Variants in RRN3 observed in about 807,000 individuals in gnomAD.
The protein encoded by RRN3 is RNA polymerase I transcription factor RRN3.
RRN3 carries 38 observed loss-of-function variants against 82.3 expected under a neutral mutation model. The ratio of observed to expected loss-of-function variants is 0.46; its 90% CI spans 0.36 to 0.61. The LOEUF (loss-of-function observed/expected upper bound fraction) is 0.61. RRN3 is among the 20% of genes least tolerant of loss of function. RRN3 has a pLI of 0.00. For missense variants in RRN3, 726 were observed against 793.1 expected (o/e 0.92, Z 1.02); for synonymous variants, 284 against 284.3 (o/e 1.00, Z 0.01).
At position 15,094,222 on chromosome 16, in the gene RRN3, C is replaced by T. The variant is rs754905116; in HGVS notation, c.12G>A (p.Pro4=). MAA[P]LLHTRLPGDA... is the part of the protein sequence containing the mutation. ...CTCCCGGCAAACGCGTGTGAAGCAG[C>T]GGTGCCGCCATTGGGCCGAACTAAC... The change falls in exon 1 of 18, where the codon CCG becomes CCA. Residue 4 remains proline (P), a synonymous_variant. Coordinates refer to ENST00000198767, the MANE Select transcript of RRN3 (RefSeq NM_018427.5). 1.0e-5 allele frequency: 16 copies of T among 1,591,462 alleles called. No individual in the cohort carries two copies. The highest frequency in any genetic ancestry group is 9.1e-5 in the South Asian group (8 of 87,640).
At chr16:15,061,992 T>A in intron 17 of RRN3, 87 bp from the exon 18 acceptor site, 1 of 1,286,720 alleles carries the variant, frequency 7.8e-7, no homozygotes, top group Non-Finnish European at 1.1e-6. Context: ...GGTGTTAACG[T>A]TTGTAAAGAT....
chr16:15,093,914 T>C (rs1465649135), intron 1 of RRN3: 8 of 539,542 alleles, frequency 1.5e-5, no homozygotes, highest in Non-Finnish European at 2.6e-5. Context: ...AGAGACACAG[T>C]CGGGAAAGGG....
At chr16:15,078,152 C>T (rs1466695592) in intron 9 of RRN3, among the ~76,000 whole-genome samples, 1 of 152,202 alleles carries the variant, frequency 6.6e-6, no homozygotes, top group Non-Finnish European at 1.5e-5. Context: ...CAGAGAAAGA[C>T]TATAAAGAGT....
At position 15,070,325 on chromosome 16, in the gene RRN3, C is replaced by G. The variant is rs547182358; in HGVS notation, c.1260-71G>C. ...ACCAGAATAACATAAAAACACACAACTGCCTTTCATTACAAACCATGCTAA... is the reference window on the plus strand; with the variant it reads ...ACCAGAATAACATAAAAACACACAAGTGCCTTTCATTACAAACCATGCTAA... On this transcript the variant is annotated intron_variant, in intron 13 of 17. Coordinates refer to ENST00000198767, the MANE Select transcript of RRN3 (RefSeq NM_018427.5). 12 of 1,548,010 alleles carry G rather than the reference C, an allele frequency of 7.8e-6. 1 individual carries two copies. In the Admixed American group the frequency reaches 2.0e-4, roughly 26 times the overall value.
intron 16 of RRN3, among the ~76,000 whole-genome samples, chr16:15,063,704 C>CAAAAAAAAAAAAAAAAA (rs10664930): frequency 1.1e-5 from 1 of 89,118 alleles, no homozygotes; most frequent in African/African-American, 5.1e-5. Context: ...GACTCTGTCT[C>CAAAAAAAAAAAAAAAAA]AAAAAAAAAA....
chr16:15,084,263 C>G (rs2045827002), intron 7 of RRN3, among the ~76,000 whole-genome samples: 1 of 151,832 alleles, frequency 6.6e-6, no homozygotes, highest in African/African-American at 2.4e-5. Flanking sequence ...AGAGGTCCAC[C>G]CCTCCAAAAG....
At chr16:15,063,139 G>A (rs2044784534) in intron 17 of RRN3, 57 bp downstream of exon 17, 5 of 1,292,702 alleles carry the variant, frequency 3.9e-6, no homozygotes, top group Non-Finnish European at 5.6e-6. Flanking sequence ...CTATCTCACT[G>A]TGACCTGGAA....
chr16:15,074,652 G>A, intron 11 of RRN3, 71 bp downstream of exon 11: 1 of 1,136,160 alleles, frequency 8.8e-7, no homozygotes, highest in Non-Finnish European at 1.2e-6. Flanking sequence ...TAGAGATAAT[G>A]GATGGAAAAT....
chr16:15,072,960 C>A lies in RRN3; in HGVS notation c.1118G>T (p.Ser373Ile). 1.2e-6 allele frequency: 2 copies of A among 1,613,438 alleles called. No individual in the cohort carries two copies. Among genetic ancestry groups the A allele is most frequent in the Non-Finnish European group, 1.7e-6 (2 of 1,179,870 alleles). ...HVQFFMFYLC[S>I]FKLGFAEAFL... ...CACATTCTTACTCACCAATTTGAAA[C>A]TACAGAGGTAAAACATGAAAAACTG... is the stretch of plus-strand genomic sequence containing the variant. The change falls in exon 12 of 18, where the codon AGT becomes ATT. Residue 373 changes from serine to isoleucine, a missense_variant. Around this residue, in one of 4 missense-constraint regions of RRN3, gnomAD observed 344 missense variants for 394.5 expected, o/e 0.87. Transcript: ENST00000198767.
rs138935269 is a variant in RRN3 at position 15,073,001 on chromosome 16, A to G, written c.1077T>C (p.His359=). ...NIFDKLLLPT[H]ASCHVQFFMF... is the part of the protein sequence containing the mutation. ...TGAAAAACTGTACATGGCAGGAGGC[A>G]TGGGTGGGCAACAGGAGTTTGTCAA... Residue 359 remains histidine, a synonymous_variant, in exon 12 of 18, where the codon CAT becomes CAC. Coordinates refer to ENST00000198767, the MANE Select transcript of RRN3 (RefSeq NM_018427.5). The G allele has an allele frequency of 3.1e-5, 50 of 1,613,652 alleles. No homozygotes were observed. Among genetic ancestry groups the G allele is most frequent in the Non-Finnish European group, 4.2e-5 (49 of 1,179,892 alleles).
intron 9 of RRN3, 132 bp from the exon 10 acceptor site, chr16:15,076,782 C>G (rs1335646573): frequency 7.5e-5 from 49 of 649,878 alleles, no homozygotes; most frequent in Admixed American, 4.4e-4. Flanking sequence ...CACCCCAACA[C>G]AATACACAAT....
In RRN3 at chr16:15,094,228, C is replaced by G; in HGVS notation, c.6G>C (p.Ala2=). Residue 2 remains alanine (A), a synonymous_variant, in exon 1 of 18, where the codon GCG becomes GCC. Coordinates refer to ENST00000198767, the MANE Select transcript of RRN3 (RefSeq NM_018427.5). ...GCAAACGCGTGTGAAGCAGCGGTGC[C>G]GCCATTGGGCCGAACTAACGCGACC... M[A]APLLHTRLPG... is the part of the protein sequence containing the mutation. 1 of 1,587,190 alleles carries G rather than the reference C, an allele frequency of 6.3e-7. No homozygotes were observed. Among genetic ancestry groups the G allele is most frequent in the Non-Finnish European group, 8.6e-7 (1 of 1,167,286 alleles).
At chr16:15,075,819 G>C (rs1168057241) in intron 10 of RRN3, among the ~76,000 whole-genome samples, 6 of 152,138 alleles carry the variant, frequency 3.9e-5, no homozygotes, top group Non-Finnish European at 7.4e-5. Flanking sequence ...CCCTTTTGCA[G>C]GTCGGGATAT....
intron 6 of RRN3, 44 bp from the exon 7 acceptor site, chr16:15,084,749 G>C: frequency 1.5e-6 from 2 of 1,357,860 alleles, no homozygotes; most frequent in Non-Finnish European, 2.1e-6. Context: ...AAACAAAACT[G>C]AAGGGCGACA....
intron 2 of RRN3, among the ~76,000 whole-genome samples, chr16:15,091,980 C>T (rs866010866): frequency 1.3e-5 from 2 of 152,116 alleles, no homozygotes; most frequent in Admixed American, 1.3e-4. Flanking sequence ...AGTTCGAGAC[C>T]AGCCTGGCCA....
intron 14 of RRN3, among the ~76,000 whole-genome samples, chr16:15,069,275 C>T (rs1398806277): frequency 6.6e-6 from 1 of 152,078 alleles, no homozygotes; most frequent in African/African-American, 2.4e-5. Flanking sequence ...TGTTAAACAT[C>T]CTACAGTGCA....
chr16:15,075,504 G>A (rs1182038497), intron 10 of RRN3, among the ~76,000 whole-genome samples: 3 of 151,334 alleles, frequency 2.0e-5, no homozygotes, highest in Non-Finnish European at 4.4e-5. Flanking sequence ...CCAGGAGGTC[G>A]AGGCTGGAGT....
chr16:15,089,811 A>AAAC (rs1555463212), intron 3 of RRN3, among the ~76,000 whole-genome samples: 1 of 132,882 alleles, frequency 7.5e-6, no homozygotes, highest in Admixed American at 7.8e-5. Context: ...AAAAAAAAAA[A>AAAC]CAGATTAAAG....
chr16:15,067,988 T>C (rs1006832779), intron 15 of RRN3, among the ~76,000 whole-genome samples, 181 bp downstream of exon 15: 2 of 151,974 alleles, frequency 1.3e-5, no homozygotes, highest in African/African-American at 4.8e-5. Flanking sequence ...TTTTAACTCC[T>C]GGCCTCAAGC....
Sources: gnomAD v4.1 joint callset for allele counts (sites outside exome capture counted in the v4.1 genomes callset) on GRCh38, gnomAD v4.1.1 for gene constraint, gnomAD v4.1.1 regional missense constraint, MANE v1.5 for transcripts, NCBI Gene and HGNC (gene_info 2026-07-23, HGNC 2026-07-21) for gene names.